The following ADCY2 variants were observed in gnomAD, a reference collection of about 807,000 sequenced individuals.
ADCY2 encodes adenylate cyclase 2, also known as adenylate cyclase type 2.
In ADCY2, 31 loss-of-function variants were observed where a neutral mutation model predicts 125.2. The observed-to-expected ratio is 0.25, with a 90% CI of 0.19 to 0.33. The LOEUF (loss-of-function observed/expected upper bound fraction) is 0.33. Ranked by LOEUF, ADCY2 falls within the 10% of genes least tolerant of loss-of-function variation. The probability of loss-of-function intolerance (pLI) is 1.00; values close to 1 mark genes in which losing one functional copy is unlikely to be tolerated. For missense variants in ADCY2, 904 were observed against 1,418.2 expected (o/e 0.64, Z 5.82); for synonymous variants, 512 against 548.4 (o/e 0.93, Z 0.93).
At chr5:7,696,117 C>T (rs1740883804) in intron 6 of ADCY2, among the ~76,000 whole-genome samples, 1 of 152,190 alleles carries the variant, frequency 6.6e-6, no homozygotes, top group Admixed American at 6.5e-5. Flanking sequence ...ATTCAGCACA[C>T]ATATAATAAA....
intron 1 of ADCY2, among the ~76,000 whole-genome samples, chr5:7,411,947 C>A (rs373310075): frequency 1.3e-5 from 2 of 151,368 alleles, no homozygotes; most frequent in Admixed American, 1.3e-4. Flanking sequence ...TAGTGGCGGG[C>A]GCCTGTAGTC....
intron 2 of ADCY2, among the ~76,000 whole-genome samples, chr5:7,491,303 G>A (rs926122923): frequency 6.6e-6 from 1 of 151,754 alleles, no homozygotes; most frequent in African/African-American, 2.4e-5. Flanking sequence ...CCAGGCTGGA[G>A]TGCAATGGCA....
At chr5:7,811,225 G>A (rs1219567292) in intron 22 of ADCY2, among the ~76,000 whole-genome samples, 12 of 152,112 alleles carry the variant, frequency 7.9e-5, no homozygotes, top group African/African-American at 2.2e-4. Context: ...CATCTGGGCC[G>A]GGCGCAGTGG....
intron 17 of ADCY2, among the ~76,000 whole-genome samples, chr5:7,768,199 A>T (rs1042390460): frequency 3.9e-5 from 6 of 152,178 alleles, no homozygotes; most frequent in African/African-American, 1.2e-4. Context: ...CTGCGCTTCA[A>T]ATTAGGTGTT....
chr5:7,529,211 T>A (rs888590671), intron 3 of ADCY2, among the ~76,000 whole-genome samples: 1 of 145,856 alleles, frequency 6.9e-6, no homozygotes, highest in African/African-American at 2.5e-5. Flanking sequence ...GAAATGATTA[T>A]CATGGCCTCT....
chr5:7,820,509 TAAA>T, intron 23 of ADCY2, 53 bp from the exon 24 acceptor site: 1 of 1,597,190 alleles, frequency 6.3e-7, no homozygotes, highest in East Asian at 2.3e-5. Context: ...ATAAAAAAAA[TAAA>T]AAGACAATGG....
At chr5:7,701,690 TTC>T (rs1741083056) in intron 7 of ADCY2, among the ~76,000 whole-genome samples, 1 of 152,158 alleles carries the variant, frequency 6.6e-6, no homozygotes, top group Non-Finnish European at 1.5e-5. Context: ...CTATTCTACT[TTC>T]TGTCTCTGTG....
At position 7,695,796 on chromosome 5, in the gene ADCY2, A is replaced by G. The variant is rs1351813511; in HGVS notation, c.914A>G (p.Asp305Gly). 6.2e-7 allele frequency: 1 copy of G among 1,613,168 alleles called. No individual in the cohort carries two copies. The highest frequency in any genetic ancestry group is 1.7e-5 in the Admixed American group (1 of 59,852). Residue 305 changes from aspartate to glycine, a missense_variant, in exon 6 of 25, where the codon GAC (aspartate) becomes GGC (glycine). Transcript: ENST00000338316. ...GTTGGCTTTACCCGGCTGGCAAGTG[A>G]CTGCTCCCCGGGAGAACTAGTCCAC... Reference protein sequence around the residue: ...DIVGFTRLASDCSPGELVHML... With the variant: ...DIVGFTRLASGCSPGELVHML...
intron 2 of ADCY2, among the ~76,000 whole-genome samples, chr5:7,471,485 C>G (rs1579477165): frequency 6.6e-6 from 1 of 152,088 alleles, no homozygotes; most frequent in East Asian, 1.9e-4. Flanking sequence ...ATTTAAGGCA[C>G]TTATAACAAT....
intron 3 of ADCY2, among the ~76,000 whole-genome samples, chr5:7,569,087 A>G (rs1424483498): frequency 6.6e-6 from 1 of 152,210 alleles, no homozygotes; most frequent in African/African-American, 2.4e-5. Flanking sequence ...CTCATCATGC[A>G]GGATCCATAT....
chr5:7,702,863 A>T (rs1049853873), intron 7 of ADCY2, among the ~76,000 whole-genome samples: 1 of 152,100 alleles, frequency 6.6e-6, no homozygotes, highest in Non-Finnish European at 1.5e-5. Context: ...AAGTGTTCCT[A>T]TTTCTCCACG....
At chr5:7,593,210 G>A (rs1030648571) in intron 3 of ADCY2, among the ~76,000 whole-genome samples, 5 of 152,066 alleles carry the variant, frequency 3.3e-5, no homozygotes, top group Non-Finnish European at 7.4e-5. Flanking sequence ...GCTTCATCTG[G>A]GACTAGGCAA....
At chr5:7,631,787 T>C (rs1738318569) in intron 4 of ADCY2, among the ~76,000 whole-genome samples, 1 of 152,174 alleles carries the variant, frequency 6.6e-6, no homozygotes. Context: ...GTCAGCTTTC[T>C]TCTTCCTGGA....
At chr5:7,824,014 G>A (rs1248164594) in intron 24 of ADCY2, among the ~76,000 whole-genome samples, 2 of 152,164 alleles carry the variant, frequency 1.3e-5, no homozygotes, top group Non-Finnish European at 2.9e-5. Flanking sequence ...TCCTTAGCAC[G>A]GAAGCTGAAG....
In ADCY2 at chr5:7,508,492, T is replaced by A. The variant is rs560861046; in HGVS notation, c.409-12246T>A. On this transcript the variant is annotated intron_variant, in intron 2 of 24. Coordinates refer to ENST00000338316, the MANE Select transcript of ADCY2 (RefSeq NM_020546.3). ...CATGTGTATTTAACCCAGGACTCAG[T>A]TGAAGAGATGTGACTTTCTGGACCA... Among the ~76,000 whole-genome samples, 11 of 152,290 alleles carry A rather than the reference T, an allele frequency of 7.2e-5. 1 individual carries two copies. The South Asian group carries it at 2.3e-3, about 32-fold the overall frequency.
At chr5:7,532,255 G>A (rs1734672571) in intron 3 of ADCY2, among the ~76,000 whole-genome samples, 2 of 152,290 alleles carry the variant, frequency 1.3e-5, no homozygotes, top group South Asian at 4.1e-4. Flanking sequence ...TTACAAACAG[G>A]TGATATGTTC....
At position 7,802,152 on chromosome 5, in the gene ADCY2, C is replaced by A; in HGVS notation, c.2629-66C>A. ...AATCCTGGCATAAACAAGCCACTTGCCTGTGGAGTGTTTCTGTTTAAAGGT... is the reference window on the plus strand; with the variant it reads ...AATCCTGGCATAAACAAGCCACTTGACTGTGGAGTGTTTCTGTTTAAAGGT... On this transcript the variant is annotated intron_variant, in intron 20 of 24. Coordinates refer to ENST00000338316, the MANE Select transcript of ADCY2 (RefSeq NM_020546.3). The surrounding 1 kb of genome is among the most constrained non-coding windows in gnomAD (Gnocchi z 4.6). 1 of 1,565,890 alleles carries A rather than the reference C, an allele frequency of 6.4e-7. No homozygotes were observed.
chr5:7,625,021 T>C (rs1018687069), intron 3 of ADCY2, among the ~76,000 whole-genome samples: 3 of 152,262 alleles, frequency 2.0e-5, no homozygotes, highest in African/African-American at 4.8e-5. Flanking sequence ...TTGATGATAA[T>C]GTAAATTGAA....
In ADCY2 at chr5:7,757,591, GT is replaced by G; in HGVS notation, c.2094+6del. 1 of 1,565,440 alleles carries G rather than the reference GT, an allele frequency of 6.4e-7. No homozygotes were observed. Among genetic ancestry groups the G allele is most frequent in the Non-Finnish European group, 8.7e-7 (1 of 1,144,132 alleles). On this transcript the variant is annotated splice_donor_region_variant and intron_variant, in intron 16 of 24. Transcript: ENST00000338316. ...ATGATGGCCGTGTTCAACATGGTAA[GT>G]CCCAGAGCACGGCCGTGTTCAACAT...
Sources: allele counts gnomAD v4.1 joint callset (sites outside exome capture counted in the v4.1 genomes callset), GRCh38; gene constraint gnomAD v4.1.1; non-coding constraint Gnocchi (gnomAD v3.1); transcripts MANE v1.5; gene names NCBI Gene and HGNC (gene_info 2026-07-23, HGNC 2026-07-21).